KIF5B: variants seen among roughly 807,000 people sequenced by gnomAD.
KIF5B encodes kinesin-1 heavy chain.
KIF5B carries 49 observed loss-of-function variants against 132.8 expected under a neutral mutation model. The ratio of observed to expected loss-of-function variants is 0.37; its 90% confidence interval spans 0.29 to 0.47. KIF5B has a LOEUF of 0.47. Among genes scored for constraint, KIF5B ranks in the 20% least tolerant of loss-of-function variants. The pLI, the probability that KIF5B is intolerant of heterozygous loss-of-function variation, is 1.00. For missense variants in KIF5B, 780 were observed against 1,144.0 expected (o/e 0.68, Z 4.59); for synonymous variants, 355 against 369.4 (o/e 0.96, Z 0.45).
At chr10:32,046,302 T>C (rs1841608327) in intron 2 of KIF5B, among the ~76,000 whole-genome samples, 1 of 152,218 alleles carries the variant, frequency 6.6e-6, no homozygotes. Context: ...AATCAAAGAA[T>C]GTAGTAAAAT....
At chr10:32,040,067 TA>T (rs1463008129) in intron 3 of KIF5B, among the ~76,000 whole-genome samples, 1 of 152,144 alleles carries the variant, frequency 6.6e-6, no homozygotes, top group Non-Finnish European at 1.5e-5. Context: ...TTATACTACA[TA>T]AAATCAACAA....
rs756947797 is a variant in KIF5B at position 32,055,986 on chromosome 10, C to G, written c.-13G>C. The G allele has an allele frequency of 2.5e-6, 4 of 1,599,664 alleles. No individual in the cohort carries two copies. The highest frequency in any genetic ancestry group is 1.1e-5 in the South Asian group (1 of 90,974). Reference sequence around the variant, plus strand: ...CCAGGTCCGCCATCTTTCTCGCAGCCGGGGCCGGCGGCCGGGAGCCACTCC... The same window carrying G: ...CCAGGTCCGCCATCTTTCTCGCAGCGGGGGCCGGCGGCCGGGAGCCACTCC... On this transcript the variant is annotated 5_prime_UTR_variant, in exon 1 of 26. Coordinates refer to ENST00000302418, the MANE Select transcript of KIF5B (RefSeq NM_004521.3).
chr10:32,044,681 T>A (rs1349591178), intron 2 of KIF5B, among the ~76,000 whole-genome samples: 23 of 142,350 alleles, frequency 1.6e-4, no homozygotes, highest in African/African-American at 5.4e-4. Context: ...CGTCTCAATT[T>A]AAAAAAAAAA....
At chr10:32,048,389 A>G (rs1841642866) in intron 2 of KIF5B, 75 bp downstream of exon 2, 1 of 954,298 alleles carries the variant, frequency 1.0e-6, no homozygotes, top group Non-Finnish European at 1.6e-6. Context: ...TGAAAAAAGG[A>G]AGCTGAGTAA....
At chr10:32,054,803 CA>C (rs1841732190) in intron 1 of KIF5B, among the ~76,000 whole-genome samples, 1 of 152,124 alleles carries the variant, frequency 6.6e-6, no homozygotes, top group Non-Finnish European at 1.5e-5. Flanking sequence ...GCTATTTTCT[CA>C]CACCTTTCAA....
chr10:32,055,748 C>T, intron 1 of KIF5B, 100 bp downstream of exon 1: 1 of 1,470,526 alleles, frequency 6.8e-7, no homozygotes, highest in Non-Finnish European at 9.1e-7. Flanking sequence ...CTGGGGACAC[C>T]GCCGCTCCCT....
intron 2 of KIF5B, among the ~76,000 whole-genome samples, chr10:32,040,934 G>A (rs1037292361): frequency 6.6e-6 from 1 of 150,418 alleles, no homozygotes; most frequent in African/African-American, 2.5e-5. Context: ...GTTGCAGTGA[G>A]CCGAGATCGC....
chr10:32,026,437 C>CAAAAAAAAAAAAAAAA (rs71027049), intron 15 of KIF5B, among the ~76,000 whole-genome samples: 2 of 48,920 alleles, frequency 4.1e-5, no homozygotes, highest in Non-Finnish European at 7.1e-5. Flanking sequence ...GATTCCGTCT[C>CAAAAAAAAAAAAAAAA]AAAAAAAAAA....
chr10:32,028,122 C>T (rs1005949147), intron 15 of KIF5B, among the ~76,000 whole-genome samples: 5 of 151,992 alleles, frequency 3.3e-5, no homozygotes, highest in Non-Finnish European at 5.9e-5. Context: ...CGCCACCATG[C>T]CAGGCTCATT....
rs1564463217 is a variant in KIF5B, at chr10:32,019,858, G to GT, written c.2305dup (p.Thr769AsnfsTer6). The GT allele has an allele frequency of 1.9e-6, 3 of 1,580,408 alleles. No individual in the cohort carries two copies. ...ACTTTAATTAAAAACAATTACTCAC[G>GT]TAAGTTCATGTAGTTTTCTGCTCTT... is the stretch of plus-strand genomic sequence containing the variant. On this transcript the variant is annotated frameshift_variant and splice_region_variant, in exon 20 of 26. Coordinates refer to ENST00000302418, the MANE Select transcript of KIF5B (RefSeq NM_004521.3). LOFTEE classifies it high-confidence loss of function.
At position 32,037,216 on chromosome 10, in the gene KIF5B, G is replaced by A. The variant is rs1173516276; in HGVS notation, c.711+38C>T. Reference sequence around the variant, plus strand: ...CCCAACTCAAACTAAAGTTTACAAAGATGCTTAAATATTTGTCAAAATACA... The same window carrying A: ...CCCAACTCAAACTAAAGTTTACAAAAATGCTTAAATATTTGTCAAAATACA... On this transcript the variant is annotated intron_variant, in intron 8 of 25. Transcript: ENST00000302418. The A allele has an allele frequency of 2.3e-5, 37 of 1,586,748 alleles. No individual in the cohort carries two copies. The East Asian group carries it at 8.3e-4, about 35-fold the overall frequency.
intron 2 of KIF5B, among the ~76,000 whole-genome samples, 200 bp from the exon 3 acceptor site, chr10:32,040,657 A>ACACACACACACACACACACACC (rs370537671): frequency 7.3e-6 from 1 of 137,574 alleles, no homozygotes; most frequent in Non-Finnish European, 1.6e-5. Context: ...ACACACACAC[A>ACACACACACACACACACACACC]CCCTCTTCCT....
chr10:32,043,298 C>T (rs1428171697), intron 2 of KIF5B, among the ~76,000 whole-genome samples: 4 of 152,174 alleles, frequency 2.6e-5, no homozygotes, highest in African/African-American at 4.8e-5. Flanking sequence ...CCACTGCGCC[C>T]AGCCCGCACT....
rs1841362554 is a variant in KIF5B at position 32,028,646 on chromosome 10, C to G, written c.1582-75G>C. On this transcript the variant is annotated intron_variant, in intron 14 of 25. Coordinates refer to ENST00000302418, the MANE Select transcript of KIF5B (RefSeq NM_004521.3). ...TCAAATCAAATACTCATCGGTGTTT[C>G]AAGTTTTACACCAAGCCCTTACGAA... 7.2e-6 allele frequency: 9 copies of G among 1,258,586 alleles called. No individual in the cohort carries two copies. The South Asian group carries it at 1.2e-4, about 17-fold the overall frequency. The allele number at this position is 1,258,586 out of a possible 1,614,324, so 78.0% of individuals were successfully genotyped here.
At chr10:32,022,016 T>C (rs1841270547) in intron 17 of KIF5B, 124 bp downstream of exon 17, 3 of 598,250 alleles carry the variant, frequency 5.0e-6, no homozygotes, top group East Asian at 5.6e-5. Context: ...TTAATATGTA[T>C]GATTTGTTTA....
At chr10:32,030,555 A>T (rs989207076) in intron 14 of KIF5B, among the ~76,000 whole-genome samples, 3 of 152,080 alleles carry the variant, frequency 2.0e-5, no homozygotes, top group African/African-American at 7.2e-5. Flanking sequence ...GGGAACCACT[A>T]CACTGTGCTA....
At chr10:32,036,892 G>A (rs540518815) in intron 8 of KIF5B, among the ~76,000 whole-genome samples, 1 of 152,180 alleles carries the variant, frequency 6.6e-6, no homozygotes, top group Admixed American at 6.5e-5. Context: ...AAGACTAATC[G>A]AGAGTTACCA....
intron 20 of KIF5B, among the ~76,000 whole-genome samples, chr10:32,019,292 G>A (rs1335085733): frequency 1.3e-5 from 2 of 152,164 alleles, no homozygotes; most frequent in Non-Finnish European, 2.9e-5. Context: ...AACTGGTCCT[G>A]ATGTTCTAAC....
At position 32,038,189 on chromosome 10, in the gene KIF5B, C is replaced by A; in HGVS notation, c.472G>T (p.Asp158Tyr). Residue 158 changes from aspartate (D) to tyrosine (Y), a missense_variant, in exon 6 of 26, where the codon GAC becomes TAC. Physicochemically the swap from Asp to Tyr is radical, Grantham distance 160. Coordinates refer to ENST00000302418, the MANE Select transcript of KIF5B (RefSeq NM_004521.3). ...TTTACATAGGGAACTCGGTTTTTGT[C>A]TTCATGAACTGAAAGGTTGGTCTTT... ...VSKTNLSVHEDKNRVPYVKGC... is the reference protein window; with the variant it reads ...VSKTNLSVHEYKNRVPYVKGC... 1 of 1,606,580 alleles carries A rather than the reference C, an allele frequency of 6.2e-7. No homozygotes were observed. Among genetic ancestry groups the A allele is most frequent in the Non-Finnish European group, 8.5e-7 (1 of 1,174,484 alleles).
Sources: gnomAD v4.1 joint callset for allele counts (sites outside exome capture counted in the v4.1 genomes callset) on GRCh38, gnomAD v4.1.1 for gene constraint, MANE v1.5 for transcripts, NCBI Gene and HGNC (gene_info 2026-07-23, HGNC 2026-07-21) for gene names.